The following TRPS1 variants were observed in gnomAD, a reference collection of about 807,000 sequenced individuals.
TRPS1 encodes transcriptional repressor GATA binding 1.
In TRPS1, 6 loss-of-function variants were observed where a neutral mutation model predicts 101.2. That is an observed-to-expected ratio of 0.06 (90% CI 0.03 to 0.12). The LOEUF is 0.12. Ranked by LOEUF, TRPS1 falls within the 10% of genes least tolerant of loss-of-function variation. The probability of loss-of-function intolerance (pLI) is 1.00; values close to 1 mark genes in which losing one functional copy is unlikely to be tolerated. For synonymous variants in TRPS1, 578 were observed against 589.8 expected, an observed-to-expected ratio of 0.98 and a Z score of 0.29; for missense variants, 1,363 against 1,567.0, an observed-to-expected ratio of 0.87 and a Z score of 2.20.
At chr8:115,495,541 T>C (rs1586331661) in intron 5 of TRPS1, among the ~76,000 whole-genome samples, 1 of 151,142 alleles carries the variant, frequency 6.6e-6, no homozygotes, top group Non-Finnish European at 1.5e-5. Flanking sequence ...AGAATCCTTT[T>C]TCCTATTCCT....
At chr8:115,637,338 G>A in intron 1 of TRPS1, 2 of 983,336 alleles carry the variant, frequency 2.0e-6, no homozygotes, top group Non-Finnish European at 2.4e-6. Context: ...TTTCTAAAAA[G>A]AAGAGATTAG....
intron 5 of TRPS1, among the ~76,000 whole-genome samples, chr8:115,563,454 A>T (rs1449572160): frequency 6.6e-6 from 1 of 152,142 alleles, no homozygotes; most frequent in Non-Finnish European, 1.5e-5. Context: ...TCCAAACCTA[A>T]TATAAAAGTC....
At chr8:115,599,977 T>C (rs930847083) in intron 4 of TRPS1, among the ~76,000 whole-genome samples, 2 of 152,198 alleles carry the variant, frequency 1.3e-5, no homozygotes, top group Non-Finnish European at 2.9e-5. Context: ...AGTGTTCCTA[T>C]TTCTCCACAT....
intron 3 of TRPS1, among the ~76,000 whole-genome samples, chr8:115,607,426 T>G (rs1346030525): frequency 6.4e-5 from 9 of 141,358 alleles, no homozygotes; most frequent in Admixed American, 2.1e-4. Context: ...CTAGATGTGT[T>G]TTTTTTTTTT....
At chr8:115,489,293 A>G (rs1309893546) in intron 5 of TRPS1, among the ~76,000 whole-genome samples, 2 of 152,194 alleles carry the variant, frequency 1.3e-5, no homozygotes, top group Non-Finnish European at 2.9e-5. Flanking sequence ...CTCCCATTAT[A>G]CCAAACCAAA....
In TRPS1 at chr8:115,620,051, C is replaced by T; in HGVS notation, c.47G>A (p.Arg16Gln). The T allele has an allele frequency of 6.2e-7, 1 of 1,613,932 alleles. No individual in the cohort carries two copies. Reference sequence around the variant, plus strand: ...GTTTCTCAGAGGGGGGTTCTTTTTCCGGACCATATCTGCAAAGATAAAGGG... The same window carrying T: ...GTTTCTCAGAGGGGGGTTCTTTTTCTGGACCATATCTGCAAAGATAAAGGG... ...NAGYDFTNMVRKKNPPLRNVA... is the reference protein window; with the variant it reads ...NAGYDFTNMVQKKNPPLRNVA... The change falls in exon 3 of 7, where the codon CGG (arginine) becomes CAG (glutamine). Residue 16 changes from arginine (R) to glutamine (Q), a missense_variant. Around this residue, in one of 5 missense-constraint regions of TRPS1, gnomAD observed 1,020 missense variants for 1,073.0 expected, o/e 0.95. Transcript: ENST00000395715.
chr8:115,597,108 A>T (rs184046091), intron 4 of TRPS1, among the ~76,000 whole-genome samples: 4 of 152,064 alleles, frequency 2.6e-5, no homozygotes, highest in Admixed American at 6.5e-5. Flanking sequence ...GTTCTTTCTA[A>T]AAAATGCAAT....
At chr8:115,556,667 T>A (rs533315024) in intron 5 of TRPS1, among the ~76,000 whole-genome samples, 1 of 152,310 alleles carries the variant, frequency 6.6e-6, no homozygotes. Context: ...TATATATTCC[T>A]AGTATTTTTG....
chr8:115,495,924 G>A (rs1329751402), intron 5 of TRPS1, among the ~76,000 whole-genome samples: 1 of 152,080 alleles, frequency 6.6e-6, no homozygotes, highest in African/African-American at 2.4e-5. Flanking sequence ...TTCAAAAAGG[G>A]TGTATCTGGA....
In TRPS1 at chr8:115,418,531, T is replaced by C; in HGVS notation, c.2701-79A>G. 1.1e-5 allele frequency: 18 copies of C among 1,602,960 alleles called. No individual in the cohort carries two copies. Among genetic ancestry groups the C allele is most frequent in the Non-Finnish European group, 1.5e-5 (18 of 1,170,742 alleles). On this transcript the variant is annotated intron_variant, in intron 5 of 6. Transcript: ENST00000395715. The surrounding 1 kb of genome is among the most constrained non-coding windows in gnomAD (Gnocchi z 4.3). ...TTAGACCAAATCAACCCAGGAGTTT[T>C]GTCTTTAAACTAGCAACAATGACAG...
At chr8:115,522,713 T>G (rs922194286) in intron 5 of TRPS1, among the ~76,000 whole-genome samples, 3 of 152,144 alleles carry the variant, frequency 2.0e-5, no homozygotes, top group Non-Finnish European at 2.9e-5. Context: ...CTACATATTA[T>G]GTTAATGTAA....
At chr8:115,663,948 C>A (rs987298583) in intron 1 of TRPS1, among the ~76,000 whole-genome samples, 2 of 151,896 alleles carry the variant, frequency 1.3e-5, no homozygotes, top group African/African-American at 4.8e-5. Context: ...GAAAACCAAA[C>A]TAAAGGCCAA....
intron 5 of TRPS1, among the ~76,000 whole-genome samples, chr8:115,557,045 AAGG>A (rs957971705): frequency 1.3e-5 from 2 of 152,264 alleles, no homozygotes; most frequent in African/African-American, 4.8e-5. Context: ...GGTGGAAGGC[AAGG>A]AGAAGCAAGT....
chr8:115,575,257 T>C (rs1237880971), intron 5 of TRPS1, among the ~76,000 whole-genome samples: 1 of 152,254 alleles, frequency 6.6e-6, no homozygotes, highest in South Asian at 2.1e-4. Flanking sequence ...TAGTACAACA[T>C]ATAGTGAAAT....
At chr8:115,575,720 A>G (rs1297512179) in intron 5 of TRPS1, among the ~76,000 whole-genome samples, 1 of 152,118 alleles carries the variant, frequency 6.6e-6, no homozygotes, top group Non-Finnish European at 1.5e-5. Context: ...TACTTCAAAT[A>G]ATTCATATAT....
At chr8:115,448,539 TC>T (rs1813792814) in intron 5 of TRPS1, among the ~76,000 whole-genome samples, 1 of 152,074 alleles carries the variant, frequency 6.6e-6, no homozygotes, top group South Asian at 2.1e-4. Flanking sequence ...AGGCCTTTGG[TC>T]AAAAACGCAG....
chr8:115,540,386 C>T (rs1816424005), intron 5 of TRPS1, among the ~76,000 whole-genome samples: 1 of 152,026 alleles, frequency 6.6e-6, no homozygotes, highest in African/African-American at 2.4e-5. Context: ...GTTCTGTGTG[C>T]CTCCTATAAA....
At chr8:115,634,605 T>G (rs1177896059) in intron 1 of TRPS1, among the ~76,000 whole-genome samples, 1 of 152,172 alleles carries the variant, frequency 6.6e-6, no homozygotes, top group African/African-American at 2.4e-5. Context: ...ATCACCATCT[T>G]CATACCTGCT....
Position 115,437,131 on chromosome 8 carries a change from C to T in TRPS1, c.2701-18679G>A, listed in dbSNP as rs183784257. ...TTGAAAGAGTCCATCATTATCTACA[C>T]TTCTCATGTAACTGTTTTGACAAAA... On this transcript the variant is annotated intron_variant, in intron 5 of 6. Coordinates refer to ENST00000395715, the MANE Select transcript of TRPS1 (RefSeq NM_014112.5). Among the ~76,000 whole-genome samples, 4 of 152,280 alleles carry T rather than the reference C, an allele frequency of 2.6e-5. No homozygotes were observed. The East Asian group carries it at 7.7e-4, about 29-fold the overall frequency.
Sources: gnomAD v4.1 joint callset for allele counts (sites outside exome capture counted in the v4.1 genomes callset) on GRCh38, gnomAD v4.1.1 for gene constraint, gnomAD v4.1.1 regional missense constraint, Gnocchi (gnomAD v3.1) non-coding constraint, MANE v1.5 for transcripts, NCBI Gene and HGNC (gene_info 2026-07-23, HGNC 2026-07-21) for gene names.